The following PHTF2 variants were observed in gnomAD, a reference collection of about 807,000 sequenced individuals.
PHTF2 encodes putative homeodomain transcription factor 2, also known as protein PHTF2.
PHTF2 carries 60 observed loss-of-function variants against 101.2 expected under a neutral mutation model. The ratio of observed to expected loss-of-function variants is 0.59; its 90% confidence interval spans 0.48 to 0.73. PHTF2 has a LOEUF of 0.73. PHTF2 is among the 30% of genes least tolerant of loss of function. PHTF2 has a pLI of 0.00. For missense variants in PHTF2, 747 were observed against 908.7 expected (o/e 0.82, Z 2.29); for synonymous variants, 311 against 307.3 (o/e 1.01, Z -0.13).
chr7:77,890,144 T>A (rs1468811322), intron 3 of PHTF2, among the ~76,000 whole-genome samples: 8 of 152,196 alleles, frequency 5.3e-5, no homozygotes, highest in Non-Finnish European at 1.2e-4. Flanking sequence ...GTGGCTTTTT[T>A]AATAGGAATG....
chr7:77,919,924 A>G (rs1307763552), intron 9 of PHTF2, among the ~76,000 whole-genome samples: 1 of 152,194 alleles, frequency 6.6e-6, no homozygotes, highest in Non-Finnish European at 1.5e-5. Context: ...CAATTAGATC[A>G]TTTCTTAAAT....
intron 3 of PHTF2, among the ~76,000 whole-genome samples, chr7:77,872,501 G>A (rs559406578): frequency 2.0e-5 from 3 of 152,150 alleles, no homozygotes; most frequent in Non-Finnish European, 4.4e-5. Context: ...TCTGATTGCC[G>A]CTTTGCCTCT....
chr7:77,926,053 C>CA lies in PHTF2; in HGVS notation c.1120-3046dup, dbSNP rs573766089. On this transcript the variant is annotated intron_variant, in intron 11 of 19. Transcript: ENST00000416283. ...GTGGTGACAGAGTGAGACTCCATCTCAAAAAAAAAACAAAAACAAAAACCC... is the reference window on the plus strand; with the variant it reads ...GTGGTGACAGAGTGAGACTCCATCTCAAAAAAAAAAACAAAAACAAAAACCC... 1.4e-3 allele frequency among the ~76,000 whole-genome samples: 192 copies of CA among 141,686 alleles called. 1 individual carries two copies. The highest frequency in any genetic ancestry group is 1.9e-3 in the African/African-American group (73 of 38,494). 93.0% of individuals were successfully genotyped at this position (141,686 alleles called of 152,430 possible). A position where few individuals can be genotyped will look rare whatever the true frequency, so the allele number is the denominator to read the frequency against.
intron 2 of PHTF2, among the ~76,000 whole-genome samples, chr7:77,846,705 C>G (rs553916984): frequency 5.3e-5 from 8 of 150,808 alleles, no homozygotes; most frequent in Non-Finnish European, 1.0e-4. Context: ...TGCAGTGACA[C>G]AGTCATGGCT....
At position 77,910,226 on chromosome 7, in the gene PHTF2, T is replaced by C. The variant is rs1418478903; in HGVS notation, c.612-19T>C. ...AAAATATTAAAGCTGCCTTCCATTC[T>C]TAATCTCTTCTGATGAAGGAAATTA... On this transcript the variant is annotated intron_variant, in intron 8 of 19. Transcript: ENST00000416283. 1.4e-5 allele frequency: 23 copies of C among 1,597,868 alleles called. No homozygotes were observed. Among genetic ancestry groups the C allele is most frequent in the Non-Finnish European group, 2.0e-5 (23 of 1,173,960 alleles).
chr7:77,918,561 C>T (rs1324017399), intron 9 of PHTF2, among the ~76,000 whole-genome samples: 1 of 152,166 alleles, frequency 6.6e-6, no homozygotes, highest in African/African-American at 2.4e-5. Flanking sequence ...CAAGTAACAA[C>T]TTCACTTGGT....
At chr7:77,865,251 A>T (rs981298116) in intron 3 of PHTF2, among the ~76,000 whole-genome samples, 1 of 151,558 alleles carries the variant, frequency 6.6e-6, no homozygotes, top group African/African-American at 2.4e-5. Flanking sequence ...TTTTAGACAG[A>T]GTCTCGCTCT....
intron 12 of PHTF2, among the ~76,000 whole-genome samples, chr7:77,936,622 T>A (rs57359182): frequency 6.6e-6 from 1 of 151,744 alleles, no homozygotes; most frequent in Admixed American, 6.6e-5. Context: ...TGCAGTGAGC[T>A]GAGATCGCAC....
chr7:77,954,646 A>ATATATATATATATATATATATG (rs567176874), intron 19 of PHTF2, among the ~76,000 whole-genome samples: 1 of 142,938 alleles, frequency 7.0e-6, no homozygotes, highest in Non-Finnish European at 1.5e-5. Context: ...ATATATATAT[A>ATATATATATATATATATATATG]GCCACTTCTC....
At chr7:77,838,899 A>G (rs1762777561) in intron 1 of PHTF2, among the ~76,000 whole-genome samples, 1 of 152,230 alleles carries the variant, frequency 6.6e-6, no homozygotes, top group Non-Finnish European at 1.5e-5. Flanking sequence ...AAATACAGGC[A>G]TTGAATAAAT....
At chr7:77,930,152 C>A (rs987652800) in intron 12 of PHTF2, among the ~76,000 whole-genome samples, 1 of 151,860 alleles carries the variant, frequency 6.6e-6, no homozygotes. Flanking sequence ...CAGGCTTTCA[C>A]CATGTTGGCC....
chr7:77,854,715 TC>T, intron 2 of PHTF2: 1 of 705,350 alleles, frequency 1.4e-6, no homozygotes, highest in South Asian at 1.5e-5. Context: ...CACTCTTCTT[TC>T]TCCTTTGCTC....
chr7:77,940,671 G>C lies in PHTF2; in HGVS notation c.1872+12G>C, dbSNP rs1300574659. The stretch of plus-strand genomic sequence containing the variant: ...GTTCCTATCTTAAGGTAGAATGGGA[G>C]TGATAAAAGTAGCTTTAACATGCTG... On this transcript the variant is annotated intron_variant, in intron 15 of 19. Coordinates refer to ENST00000416283, the Ensembl canonical transcript of PHTF2. The C allele has an allele frequency of 1.3e-6, 2 of 1,571,798 alleles. No individual in the cohort carries two copies. The highest frequency in any genetic ancestry group is 1.7e-6 in the Non-Finnish European group (2 of 1,153,910).
At chr7:77,956,348 G>C (rs1440722200) in exon 20 of PHTF2, 3 of 152,552 alleles carry the variant, frequency 2.0e-5, no homozygotes, top group Admixed American at 6.5e-5. Flanking sequence ...AATCAGGAAT[G>C]TGTGGAGAAC....
At chr7:77,809,701 C>G (rs551288300) in intron 1 of PHTF2, among the ~76,000 whole-genome samples, 2 of 152,264 alleles carry the variant, frequency 1.3e-5, no homozygotes, top group Admixed American at 6.5e-5. Flanking sequence ...ACTGAAAATA[C>G]TACTATGATC....
At chr7:77,858,879 A>T (rs909133909) in intron 3 of PHTF2, among the ~76,000 whole-genome samples, 10 of 152,318 alleles carry the variant, frequency 6.6e-5, no homozygotes, top group African/African-American at 1.7e-4. Context: ...TATGTCTTTC[A>T]TAACAAATGA....
At chr7:77,830,905 T>C (rs117231309) in intron 1 of PHTF2, among the ~76,000 whole-genome samples, 1,856 of 152,352 alleles carry the variant, frequency 0.012, 15 homozygotes, top group Middle Eastern at 0.031. Context: ...GTCACAGATT[T>C]GGTTAAGCCC....
chr7:77,953,100 G>GT (rs945811168), intron 18 of PHTF2, among the ~76,000 whole-genome samples: 8 of 152,150 alleles, frequency 5.3e-5, no homozygotes, highest in African/African-American at 1.9e-4. Context: ...GATGTGTCAT[G>GT]TTCTCATGTG....
At chr7:77,868,825 G>A (rs1302923285) in intron 3 of PHTF2, among the ~76,000 whole-genome samples, 2 of 152,096 alleles carry the variant, frequency 1.3e-5, no homozygotes, top group African/African-American at 2.4e-5. Context: ...GTTTCCTCAC[G>A]TTTAAAAGGG....
Sources: allele counts gnomAD v4.1 joint callset (sites outside exome capture counted in the v4.1 genomes callset), GRCh38; gene constraint gnomAD v4.1.1; transcripts MANE v1.5; gene names NCBI Gene and HGNC (gene_info 2026-07-23, HGNC 2026-07-21).